Variants in ARB2A observed in about 807,000 individuals in gnomAD.
ARB2A encodes the protein ARB2 cotranscriptional regulator A, also known as cotranscriptional regulator ARB2A.
At chr5:93,983,005 G>A in the ARB2A span, among the ~76,000 whole-genome samples, 9 of 152,166 alleles carry the variant, frequency 5.9e-5, no homozygotes, top group African/African-American at 1.4e-4. Context: ...GCAGTGAACC[G>A]AGATTGCACC....
At chr5:93,691,009 C>A in the ARB2A span, among the ~76,000 whole-genome samples, 1 of 152,084 alleles carries the variant, frequency 6.6e-6, no homozygotes, top group Admixed American at 6.5e-5. Flanking sequence ...CACACAAAAA[C>A]CCCTTCTGAA....
chr5:93,726,357 C>T, the ARB2A span, among the ~76,000 whole-genome samples: 1 of 152,002 alleles, frequency 6.6e-6, no homozygotes, highest in East Asian at 1.9e-4. Flanking sequence ...TGGGTACTGG[C>T]TCAGGCTGGC....
chr5:93,813,960 A>G, the ARB2A span, among the ~76,000 whole-genome samples: 9 of 152,208 alleles, frequency 5.9e-5, no homozygotes, highest in Non-Finnish European at 1.2e-4. Flanking sequence ...TAGAGATTTC[A>G]GTATCTTCTC....
the ARB2A span, among the ~76,000 whole-genome samples, chr5:94,041,521 TTAA>T: frequency 1.9e-4 from 29 of 152,180 alleles, no homozygotes; most frequent in African/African-American, 5.6e-4. Flanking sequence ...ATTAATTGAT[TTAA>T]TAATAATAAG....
chr5:93,659,529 T>C, the ARB2A span, among the ~76,000 whole-genome samples: 1 of 152,114 alleles, frequency 6.6e-6, no homozygotes, highest in Non-Finnish European at 1.5e-5. Context: ...TATCTAAGTC[T>C]TGATCAGACA....
chr5:94,110,853 C>A, the ARB2A span, among the ~76,000 whole-genome samples: 1 of 152,156 alleles, frequency 6.6e-6, no homozygotes, highest in East Asian at 1.9e-4. Flanking sequence ...AACAACATTG[C>A]ATGTCATTAA....
At chr5:93,880,248 T>C in the ARB2A span, among the ~76,000 whole-genome samples, 31 of 151,908 alleles carry the variant, frequency 2.0e-4, no homozygotes, top group Non-Finnish European at 2.7e-4. Context: ...CTTGGGAATA[T>C]ATATGCTGTT....
chr5:93,864,265 G>A, the ARB2A span, among the ~76,000 whole-genome samples: 5 of 152,102 alleles, frequency 3.3e-5, no homozygotes, highest in Non-Finnish European at 5.9e-5. Context: ...TAAACAATGA[G>A]TGTTGTAAAA....
the ARB2A span, chr5:93,805,529 A>G: frequency 3.8e-5 from 37 of 985,028 alleles, no homozygotes; most frequent in Non-Finnish European, 4.2e-5. Flanking sequence ...GTATGACCTG[A>G]GCAGTAATAA....
At chr5:93,794,321 A>G in the ARB2A span, among the ~76,000 whole-genome samples, 5 of 151,898 alleles carry the variant, frequency 3.3e-5, no homozygotes, top group Admixed American at 3.3e-4. Context: ...CTTTCCTTTC[A>G]TATCCTATAT....
the ARB2A span, chr5:93,620,990 C>A: frequency 6.2e-7 from 1 of 1,608,888 alleles, no homozygotes; most frequent in East Asian, 2.3e-5. Flanking sequence ...GCTCCTCTTA[C>A]AGCTCTTCGT....
chr5:93,958,753 AAAAACCCAGGAAATTGTACTT>A, the ARB2A span: 1 of 1,470,814 alleles, frequency 6.8e-7, no homozygotes, highest in Non-Finnish European at 9.0e-7. Context: ...TGCCAAAAAA[AAAAACCCAGGAAATTGTACTT>A]ACAGCCACAG....
chr5:93,762,750 C>G, the ARB2A span, among the ~76,000 whole-genome samples: 1 of 152,138 alleles, frequency 6.6e-6, no homozygotes, highest in African/African-American at 2.4e-5. Flanking sequence ...ACATAATTGT[C>G]AGATTCACCA....
chr5:94,024,804 C>T, the ARB2A span, among the ~76,000 whole-genome samples: 1 of 152,062 alleles, frequency 6.6e-6, no homozygotes, highest in African/African-American at 2.4e-5. Flanking sequence ...GAAGCAGCAT[C>T]CTTGGCACCA....
the ARB2A span, among the ~76,000 whole-genome samples, chr5:93,838,658 A>T: frequency 2.0e-5 from 3 of 152,118 alleles, no homozygotes; most frequent in Admixed American, 6.5e-5. Context: ...AATTACATTG[A>T]TTCTTCCTAT....
At chr5:93,964,449 T>A in the ARB2A span, 1 of 1,522,038 alleles carries the variant, frequency 6.6e-7, no homozygotes, top group Non-Finnish European at 9.0e-7. Context: ...TCTTTAAAAT[T>A]TGACTTACTG....
At chr5:93,793,661 T>C in the ARB2A span, among the ~76,000 whole-genome samples, 1 of 152,178 alleles carries the variant, frequency 6.6e-6, no homozygotes, top group Non-Finnish European at 1.5e-5. Flanking sequence ...GAGTAATGTC[T>C]GGTTTCATGT....
the ARB2A span, chr5:93,618,289 T>C: frequency 1.3e-5 from 2 of 152,182 alleles, no homozygotes; most frequent in Non-Finnish European, 2.9e-5. Context: ...CTAGTACCTA[T>C]AGAAAGCTCC....
the ARB2A span, among the ~76,000 whole-genome samples, chr5:94,012,573 C>T: frequency 2.6e-5 from 4 of 152,184 alleles, no homozygotes; most frequent in Non-Finnish European, 4.4e-5. Flanking sequence ...CCGCACTGTG[C>T]TGACCAAAGC....
Sources: gnomAD v4.1 joint callset for allele counts (sites outside exome capture counted in the v4.1 genomes callset) on GRCh38, gnomAD v4.1.1 for gene constraint, MANE v1.5 for transcripts, NCBI Gene and HGNC (gene_info 2026-07-23, HGNC 2026-07-21) for gene names.